Variants in MTTP observed in about 807,000 individuals in gnomAD.
MTTP encodes microsomal triglyceride transfer protein large subunit.
Under a neutral mutation model 90.6 loss-of-function variants are expected in MTTP, and 49 were observed. The observed-to-expected ratio is 0.54, with a 90% CI of 0.43 to 0.69. MTTP has a LOEUF of 0.69. Among genes scored for constraint, MTTP ranks in the 30% least tolerant of loss-of-function variants. MTTP has a pLI of 0.00. For missense variants in MTTP, 945 were observed against 1,067.5 expected, an observed-to-expected ratio of 0.89 and a Z score of 1.60; for synonymous variants, 347 against 384.2, an observed-to-expected ratio of 0.90 and a Z score of 1.13.
intron 10 of MTTP, among the ~76,000 whole-genome samples, chr4:99,604,662 G>GA (rs1469070791): frequency 4.0e-5 from 6 of 151,790 alleles, no homozygotes; most frequent in Non-Finnish European, 7.4e-5. Flanking sequence ...CTCTTACAAT[G>GA]AAAAAAATAC....
Position 99,594,918 on chromosome 4 carries a change from T to C in MTTP, c.909+35T>C, listed in dbSNP as rs1474557196. 2.5e-6 allele frequency: 4 copies of C among 1,609,784 alleles called. No homozygotes were observed. In the South Asian group the frequency reaches 3.3e-5, roughly 13 times the overall value. On this transcript the variant is annotated intron_variant, in intron 7 of 17. Coordinates refer to ENST00000265517, the MANE Select transcript of MTTP (RefSeq NM_001386140.1). ...GACAAATATGGGAATAATCATGACATCAGACTCTGTTTTCATTTTGTCTCC... is the reference window on the plus strand; with the variant it reads ...GACAAATATGGGAATAATCATGACACCAGACTCTGTTTTCATTTTGTCTCC...
rs1213346609 is a variant in MTTP at position 99,606,733 on chromosome 4, T to C, written c.1345-15T>C. The C allele has an allele frequency of 5.6e-6, 9 of 1,610,738 alleles. No individual in the cohort carries two copies. Among genetic ancestry groups the C allele is most frequent in the Non-Finnish European group, 7.6e-6 (9 of 1,178,074 alleles). On this transcript the variant is annotated splice_polypyrimidine_tract_variant and intron_variant, in intron 10 of 17. Transcript: ENST00000265517. ...TGTATGGTCATGCATATATCTAAGG[T>C]ATATGATTTTTCAGGCAGTAGTGGA...
intron 3 of MTTP, among the ~76,000 whole-genome samples, chr4:99,589,007 A>ATGTATATT: frequency 1.6e-3 from 1 of 634 alleles, no homozygotes; most frequent in Admixed American, 0.019. Flanking sequence ...ATATATATAC[A>ATGTATATT]CACATATATA....
chr4:99,564,437 T>G, intron 1 of MTTP: 1 of 551,388 alleles, frequency 1.8e-6, no homozygotes, highest in Non-Finnish European at 3.1e-6. Flanking sequence ...GTGAGTCAGA[T>G]TCACAATAAA....
chr4:99,601,774 C>T, intron 10 of MTTP, 60 bp downstream of exon 10: 1 of 1,256,830 alleles, frequency 8.0e-7, no homozygotes. Flanking sequence ...ATTTGATACT[C>T]ACCATGCTGC....
rs773537875 is a variant in MTTP at position 99,589,758 on chromosome 4, C to A, written c.501+8C>A. ...TCTGGAACCACCAATGAGGTACTTA[C>A]CAATATTAATAAGGATTCAGCATCT... On this transcript the variant is annotated splice_region_variant and intron_variant, in intron 4 of 17. Transcript: ENST00000265517. 2.0e-6 allele frequency: 3 copies of A among 1,477,228 alleles called. No homozygotes were observed. Among genetic ancestry groups the A allele is most frequent in the East Asian group, 2.3e-5 (1 of 43,978 alleles). The allele number at this position is 1,477,228 out of a possible 1,614,324, so 91.5% of individuals were successfully genotyped here.
At chr4:99,592,064 G>A (rs140147179) in intron 6 of MTTP, among the ~76,000 whole-genome samples, 108 of 152,284 alleles carry the variant, frequency 7.1e-4, no homozygotes, top group Non-Finnish European at 1.3e-3. Context: ...TGTATAGCAT[G>A]TTGCTGTACT....
At chr4:99,605,869 A>ATGTGTATGTG (rs1553927623) in intron 10 of MTTP, among the ~76,000 whole-genome samples, 3 of 149,178 alleles carry the variant, frequency 2.0e-5, no homozygotes, top group African/African-American at 7.5e-5. Context: ...AACCCCATGT[A>ATGTGTATGTG]TGTGTGTGTG....
chr4:99,575,057 T>A, intron 1 of MTTP, 87 bp downstream of exon 1: 17 of 1,409,920 alleles, frequency 1.2e-5, no homozygotes, highest in Non-Finnish European at 1.6e-5. Context: ...TTTGTGTGAG[T>A]GAATAGTGAA....
At chr4:99,584,554 T>C (rs1725210244) in intron 3 of MTTP, among the ~76,000 whole-genome samples, 1 of 152,144 alleles carries the variant, frequency 6.6e-6, no homozygotes, top group African/African-American at 2.4e-5. Flanking sequence ...TGTTTTCACC[T>C]CGCCTACAAC....
chr4:99,614,006 T>C (rs1726029055), intron 15 of MTTP, among the ~76,000 whole-genome samples: 1 of 152,210 alleles, frequency 6.6e-6, no homozygotes, highest in South Asian at 2.1e-4. Flanking sequence ...AAATAAAATC[T>C]TATGAGGAAT....
chr4:99,565,838 G>A (rs1455235853), intron 1 of MTTP, among the ~76,000 whole-genome samples: 1 of 152,332 alleles, frequency 6.6e-6, no homozygotes, highest in African/African-American at 2.4e-5. Flanking sequence ...AACAGTGAAA[G>A]CAAAGACCTA....
At chr4:99,585,215 G>T (rs17029165) in intron 3 of MTTP, among the ~76,000 whole-genome samples, 2 of 152,014 alleles carry the variant, frequency 1.3e-5, no homozygotes, top group Non-Finnish European at 2.9e-5. Flanking sequence ...TGTGTGCTAG[G>T]TGCTGACTAA....
intron 9 of MTTP, 41 bp downstream of exon 9, chr4:99,600,774 A>G (rs1553927364): frequency 3.2e-6 from 5 of 1,586,514 alleles, no homozygotes; most frequent in Non-Finnish European, 4.3e-6. Context: ...CTCCTATAAA[A>G]CTTCTTAAGA....
chr4:99,609,128 T>C, intron 12 of MTTP, 151 bp downstream of exon 12: 2 of 761,266 alleles, frequency 2.6e-6, no homozygotes, highest in Admixed American at 2.1e-5. Flanking sequence ...TAGGGCTATT[T>C]AGGGGGCCAG....
intron 10 of MTTP, among the ~76,000 whole-genome samples, chr4:99,604,677 A>C (rs769892756): frequency 5.9e-5 from 9 of 152,094 alleles, no homozygotes; most frequent in Non-Finnish European, 1.3e-4. Context: ...AAATACATGT[A>C]TTTACCAAAT....
chr4:99,591,108 A>G (rs1284455175), intron 4 of MTTP, 127 bp from the exon 5 acceptor site: 5 of 732,942 alleles, frequency 6.8e-6, no homozygotes, highest in Non-Finnish European at 1.2e-5. Context: ...TTTGTATCTT[A>G]TCATCCTGGG....
chr4:99,591,236 T>C lies in MTTP; in HGVS notation c.503T>C (p.Val168Ala), dbSNP rs1463756167. 6.3e-7 allele frequency: 1 copy of C among 1,598,694 alleles called. No individual in the cohort carries two copies. The highest frequency in any genetic ancestry group is 1.3e-5 in the African/African-American group (1 of 74,446). ...TQLSSGTTNE[V>A]DISGNCKVTY... ...TTATGCCCTTGCCTTTCTTTTTAGG[T>C]AGATATCTCTGGAAATTGTAAAGTG... Residue 168 changes from valine to alanine, a missense_variant and splice_region_variant, in exon 5 of 18, where the codon GTA (valine) becomes GCA (alanine). By Grantham distance (64) the Val-to-Ala change is moderately conservative. Coordinates refer to ENST00000265517, the MANE Select transcript of MTTP (RefSeq NM_001386140.1).
At chr4:99,591,630 G>T (rs200256849) in intron 5 of MTTP, 21 bp from the exon 6 acceptor site, 96 of 1,606,250 alleles carry the variant, frequency 6.0e-5, no homozygotes, top group Non-Finnish European at 7.6e-5. Context: ...TTGTTATAAA[G>T]ATGGCTATTT....
Sources: gnomAD v4.1 joint callset for allele counts (sites outside exome capture counted in the v4.1 genomes callset) on GRCh38, gnomAD v4.1.1 for gene constraint, MANE v1.5 for transcripts, NCBI Gene and HGNC (gene_info 2026-07-23, HGNC 2026-07-21) for gene names.